SLC17A4: variants seen among roughly 807,000 people sequenced by gnomAD.
SLC17A4 encodes the protein solute carrier family 17 member 4, also known as probable small intestine urate exporter.
A neutral mutation model predicts 52.5 loss-of-function variants in SLC17A4; 33 were observed. The ratio of observed to expected loss-of-function variants is 0.63; its 90% CI spans 0.48 to 0.84. The LOEUF is 0.84. SLC17A4 is among the 40% of genes least tolerant of loss of function. The pLI is 0.00. For synonymous variants in SLC17A4, 225 were observed against 216.2 expected (o/e 1.04, Z -0.36); for missense variants, 585 against 597.1 (o/e 0.98, Z 0.21).
chr6:25,780,160 A>G lies in SLC17A4; in HGVS notation c.*972A>G, dbSNP rs1763229094. On this transcript the variant is annotated 3_prime_UTR_variant, in exon 12 of 12. Coordinates refer to ENST00000377905, the MANE Select transcript of SLC17A4 (RefSeq NM_005495.3). ...TTGTTAAAGCCCCTATATGGGCAGC[A>G]TGGAGGATCATAAGATAGCAAAACC... 1 of 152,234 alleles carries G rather than the reference A, an allele frequency of 6.6e-6. No individual in the cohort carries two copies. The highest frequency in any genetic ancestry group is 1.5e-5 in the Non-Finnish European group (1 of 68,042). The allele number at this position is 152,234 out of a possible 1,614,324, so 9.4% of individuals were successfully genotyped here.
chr6:25,755,465 C>T (rs1459177328), intron 1 of SLC17A4, among the ~76,000 whole-genome samples: 3 of 152,174 alleles, frequency 2.0e-5, no homozygotes, highest in Non-Finnish European at 4.4e-5. Context: ...GTTAATAGCT[C>T]TGCCCAGCAC....
chr6:25,770,326 GT>G, intron 4 of SLC17A4, 26 bp downstream of exon 4: 1 of 1,613,596 alleles, frequency 6.2e-7, no homozygotes. Context: ...CCAGGTATAA[GT>G]GGAATATAGG....
intron 1 of SLC17A4, among the ~76,000 whole-genome samples, chr6:25,760,710 G>A (rs368617624): frequency 2.6e-5 from 4 of 151,980 alleles, no homozygotes; most frequent in African/African-American, 4.8e-5. Context: ...GCTCATTACC[G>A]TTGATTTTGC....
Position 25,778,108 on chromosome 6 carries a change from C to A in SLC17A4, c.1359+92C>A, listed in dbSNP as rs535562368. 1.4e-4 allele frequency: 121 copies of A among 854,606 alleles called. 1 individual carries two copies. In the East Asian group the frequency reaches 2.3e-3, roughly 16 times the overall value. The allele number at this position is 854,606 out of a possible 1,614,324, so 52.9% of individuals were successfully genotyped here. A position where few individuals can be genotyped will look rare whatever the true frequency, so the allele number is the denominator to read the frequency against. On this transcript the variant is annotated intron_variant, in intron 11 of 11. Coordinates refer to ENST00000377905, the MANE Select transcript of SLC17A4 (RefSeq NM_005495.3). ...GCACGGCCTTGTATCCTAGAAGATG[C>A]TTTTAAAGTAGTCAAAAATAAACTA...
Position 25,780,971 on chromosome 6 carries a change from G to A in SLC17A4, c.*1783G>A, listed in dbSNP as rs984297214. 2.0e-5 allele frequency: 3 copies of A among 152,106 alleles called. No homozygotes were observed. The highest frequency in any genetic ancestry group is 4.4e-5 in the Non-Finnish European group (3 of 68,042). 9.4% of individuals were successfully genotyped at this position (152,106 alleles called of 1,614,324 possible). A position where few individuals can be genotyped will look rare whatever the true frequency, so the allele number is the denominator to read the frequency against. On this transcript the variant is annotated 3_prime_UTR_variant, in exon 12 of 12. Transcript: ENST00000377905. Reference sequence around the variant, plus strand: ...AATTATATCCAAGTGTAGACAACAAGAAGGAAAATGGACACATGACTCTGG... The same window carrying A: ...AATTATATCCAAGTGTAGACAACAAAAAGGAAAATGGACACATGACTCTGG...
Position 25,770,153 on chromosome 6 carries a change from T to A in SLC17A4, c.384T>A (p.Ser128Arg). The A allele has an allele frequency of 6.2e-7, 1 of 1,614,060 alleles. No individual in the cohort carries two copies. Among genetic ancestry groups the A allele is most frequent in the Non-Finnish European group, 8.5e-7 (1 of 1,179,964 alleles). The part of the protein sequence containing the change: ...NYGSFLAPIP[S>R]GYVAGIFGAK... The stretch of plus-strand genomic sequence containing the variant: ...GCTCATTCTTGGCTCCAATCCCCAG[T>A]GGCTATGTGGCTGGAATATTTGGAG... The change falls in exon 4 of 12, where the codon AGT becomes AGA. Residue 128 changes from serine to arginine, a missense_variant. By Grantham distance (110) the Ser-to-Arg change is moderately radical. Transcript: ENST00000377905.
At chr6:25,759,538 T>C (rs911520996) in intron 1 of SLC17A4, among the ~76,000 whole-genome samples, 1 of 152,246 alleles carries the variant, frequency 6.6e-6, no homozygotes, top group Non-Finnish European at 1.5e-5. Context: ...CTTTTGTTGC[T>C]ATATAATGTC....
At chr6:25,776,749 G>C in intron 9 of SLC17A4, 22 bp downstream of exon 9, 1 of 1,613,886 alleles carries the variant, frequency 6.2e-7, no homozygotes, top group Non-Finnish European at 8.5e-7. Context: ...ACTGGACACA[G>C]GGGTGAACGT....
intron 6 of SLC17A4, 82 bp from the exon 7 acceptor site, chr6:25,773,193 G>A: frequency 9.1e-7 from 1 of 1,097,994 alleles, no homozygotes; most frequent in Non-Finnish European, 1.4e-6. Flanking sequence ...CAGTCACTCT[G>A]TCAACCACAG....
Position 25,770,202 on chromosome 6 carries a change from T to C in SLC17A4, c.433T>C (p.Leu145=), listed in dbSNP as rs1475508156. ...AGCCAAGTATGTGGTTGGTGCTGGC[T>C]TGTTTATTTCCTCATTCCTGACCCT... is the stretch of plus-strand genomic sequence containing the variant. ...FGAKYVVGAG[L]FISSFLTLFI... is the part of the protein sequence containing the mutation. Residue 145 remains leucine (L), a synonymous_variant, in exon 4 of 12, where the codon TTG becomes CTG. Coordinates refer to ENST00000377905, the MANE Select transcript of SLC17A4 (RefSeq NM_005495.3). 1.2e-6 allele frequency: 2 copies of C among 1,614,000 alleles called. No homozygotes were observed. Among genetic ancestry groups the C allele is most frequent in the Non-Finnish European group, 1.7e-6 (2 of 1,179,996 alleles).
chr6:25,764,664 A>T (rs1582673005), intron 2 of SLC17A4, among the ~76,000 whole-genome samples: 1 of 152,310 alleles, frequency 6.6e-6, no homozygotes, highest in African/African-American at 2.4e-5. Flanking sequence ...TGTGCTCCTC[A>T]GCTTGGAGTG....
intron 1 of SLC17A4, among the ~76,000 whole-genome samples, chr6:25,759,618 A>G (rs1761355208): frequency 6.6e-6 from 1 of 152,090 alleles, no homozygotes; most frequent in Non-Finnish European, 1.5e-5. Flanking sequence ...GCTACTCCTC[A>G]CTCCAGCCTG....
intron 11 of SLC17A4, among the ~76,000 whole-genome samples, chr6:25,778,810 T>C (rs1319727931): frequency 6.6e-6 from 1 of 152,152 alleles, no homozygotes; most frequent in South Asian, 2.1e-4. Flanking sequence ...AAGCAAGGAC[T>C]GAAAGGGAGT....
At chr6:25,769,522 C>T (rs1016781363) in intron 3 of SLC17A4, among the ~76,000 whole-genome samples, 1 of 150,692 alleles carries the variant, frequency 6.6e-6, no homozygotes, top group Non-Finnish European at 1.5e-5. Context: ...CGTGCCACTG[C>T]ACTCCGGTCT....
chr6:25,772,693 T>C (rs1305350863), intron 6 of SLC17A4, among the ~76,000 whole-genome samples: 1 of 152,144 alleles, frequency 6.6e-6, no homozygotes, highest in Non-Finnish European at 1.5e-5. Flanking sequence ...TTGAGGAAGA[T>C]AAGAGATAGA....
intron 1 of SLC17A4, among the ~76,000 whole-genome samples, chr6:25,757,069 T>C (rs953935182): frequency 1.8e-4 from 28 of 152,222 alleles, no homozygotes; most frequent in African/African-American, 6.8e-4. Flanking sequence ...GAGTATTTGT[T>C]TGGATTTCAA....
intron 1 of SLC17A4, among the ~76,000 whole-genome samples, chr6:25,757,736 TC>T (rs1761148342): frequency 6.6e-6 from 1 of 152,120 alleles, no homozygotes; most frequent in Non-Finnish European, 1.5e-5. Context: ...TAGCTGGAGC[TC>T]TTGTGACCTG....
intron 1 of SLC17A4, among the ~76,000 whole-genome samples, chr6:25,759,062 T>A (rs1761294026): frequency 6.6e-6 from 1 of 152,240 alleles, no homozygotes; most frequent in East Asian, 1.9e-4. Flanking sequence ...GAGCCAATGA[T>A]CATTTAGGAG....
chr6:25,756,629 C>T (rs531011647), intron 1 of SLC17A4, among the ~76,000 whole-genome samples: 7 of 152,270 alleles, frequency 4.6e-5, no homozygotes, highest in Admixed American at 1.3e-4. Context: ...CTCTCATTAA[C>T]GCCAGCAAAA....
Sources: allele counts gnomAD v4.1 joint callset (sites outside exome capture counted in the v4.1 genomes callset), GRCh38; gene constraint gnomAD v4.1.1; transcripts MANE v1.5; gene names NCBI Gene and HGNC (gene_info 2026-07-23, HGNC 2026-07-21).